The following CDH18 variants were observed in gnomAD, a reference collection of about 807,000 sequenced individuals.
CDH18 encodes the protein cadherin-18.
A neutral mutation model predicts 67.9 loss-of-function variants in CDH18; 31 were observed. That is an observed-to-expected ratio of 0.46 (90% CI 0.34 to 0.62). The LOEUF is 0.62. Among genes scored for constraint, CDH18 ranks in the 20% least tolerant of loss-of-function variants. The probability of loss-of-function intolerance (pLI) is 0.01; values close to 1 mark genes in which losing one functional copy is unlikely to be tolerated. For missense variants in CDH18, 890 were observed against 975.5 expected (o/e 0.91, Z 1.17); for synonymous variants, 362 against 347.2 (o/e 1.04, Z -0.48).
Position 20,149,754 on chromosome 5 carries a change from A to G in CDH18, c.-518+105690T>C, listed in dbSNP as rs191978798. 2.6e-5 allele frequency among the ~76,000 whole-genome samples: 4 copies of G among 152,302 alleles called. No homozygotes were observed. In the East Asian group the frequency reaches 7.7e-4, roughly 29 times the overall value. ...TAAAAAGTCTATTCTGCAAACTTTAACCAGACTAGTATGATCTTTGCTGTC... is the reference window on the plus strand; with the variant it reads ...TAAAAAGTCTATTCTGCAAACTTTAGCCAGACTAGTATGATCTTTGCTGTC... On this transcript the variant is annotated intron_variant, in intron 2 of 14. Transcript: ENST00000507958.
chr5:19,543,380 A>G (rs1312436042), intron 9 of CDH18, among the ~76,000 whole-genome samples: 3 of 152,110 alleles, frequency 2.0e-5, no homozygotes, highest in African/African-American at 7.2e-5. Context: ...GAGAGCCTAA[A>G]CCTGGCTGTT....
intron 2 of CDH18, among the ~76,000 whole-genome samples, chr5:20,165,595 T>C (rs1356466443): frequency 1.3e-5 from 2 of 152,148 alleles, no homozygotes; most frequent in Non-Finnish European, 2.9e-5. Context: ...TTATTTAAAT[T>C]CATCCAATAG....
At chr5:20,124,163 G>A (rs1010370062) in intron 2 of CDH18, among the ~76,000 whole-genome samples, 1 of 152,150 alleles carries the variant, frequency 6.6e-6, no homozygotes, top group African/African-American at 2.4e-5. Flanking sequence ...GAAAGGGGAG[G>A]TAAGAAGAAT....
chr5:20,083,714 T>G lies in CDH18; in HGVS notation c.-517-91700A>C, dbSNP rs556809973. ...TATAGTTCTGCCTGTCTGGGAAGCC[T>G]GACAATCATGGTGGAAGGCAAGGAA... On this transcript the variant is annotated intron_variant, in intron 2 of 14. Transcript: ENST00000507958. 2.6e-5 allele frequency among the ~76,000 whole-genome samples: 4 copies of G among 152,310 alleles called. No homozygotes were observed. The South Asian group carries it at 8.3e-4, about 32-fold the overall frequency.
At chr5:20,148,995 C>A (rs1750884365) in intron 2 of CDH18, among the ~76,000 whole-genome samples, 1 of 152,020 alleles carries the variant, frequency 6.6e-6, no homozygotes, top group South Asian at 2.1e-4. Flanking sequence ...GCAGAGTTAT[C>A]TAATAAATCT....
intron 2 of CDH18, among the ~76,000 whole-genome samples, chr5:19,979,488 C>A (rs1011621589): frequency 1.3e-5 from 2 of 151,926 alleles, no homozygotes; most frequent in African/African-American, 4.8e-5. Flanking sequence ...AACATATGGT[C>A]TTTTAATTGA....
chr5:19,827,706 A>C (rs779956356), intron 3 of CDH18, among the ~76,000 whole-genome samples: 2 of 152,172 alleles, frequency 1.3e-5, no homozygotes, highest in Non-Finnish European at 1.5e-5. Context: ...AAAAAGATAC[A>C]CCATACTAGA....
rs923038474 is a variant in CDH18, at chr5:20,530,372, GA to G, written c.-580+45089del. 9.3e-5 allele frequency among the ~76,000 whole-genome samples: 14 copies of G among 149,990 alleles called. No individual in the cohort carries two copies. In the South Asian group the frequency reaches 2.5e-3, roughly 27 times the overall value. On this transcript the variant is annotated intron_variant, in intron 1 of 14. Coordinates refer to the CDH18 transcript ENST00000507958. ...GTCATTGATACTCTTCACACAATTA[GA>G]AAAAAAAACCTATTTTAAAATTCAT...
intron 2 of CDH18, among the ~76,000 whole-genome samples, chr5:19,920,036 T>G (rs756807952): frequency 2.6e-5 from 4 of 152,194 alleles, no homozygotes; most frequent in Non-Finnish European, 5.9e-5. Context: ...GATCACTTTA[T>G]GGCTCAATTT....
intron 2 of CDH18, among the ~76,000 whole-genome samples, chr5:20,010,039 C>G (rs922128518): frequency 2.0e-5 from 3 of 151,790 alleles, no homozygotes; most frequent in Non-Finnish European, 4.4e-5. Context: ...CTTCTTCTTG[C>G]GGGATGCTTT....
intron 2 of CDH18, among the ~76,000 whole-genome samples, chr5:20,185,908 TATA>T (rs1247461147): frequency 6.6e-6 from 1 of 151,674 alleles, no homozygotes; most frequent in African/African-American, 2.4e-5. Context: ...AAGAGTACCA[TATA>T]CCAAGTTGGC....
chr5:19,838,971 T>C lies in CDH18; in HGVS notation c.16A>G (p.Thr6Ala), dbSNP rs767305368. 1 of 1,611,576 alleles carries C rather than the reference T, an allele frequency of 6.2e-7. No individual in the cohort carries two copies. Among genetic ancestry groups the C allele is most frequent in the East Asian group, 2.2e-5 (1 of 44,818 alleles). The change falls in exon 3 of 13, where the codon ACA becomes GCA. Residue 6 changes from threonine (T) to alanine (A), a missense_variant. This residue lies in a region of CDH18 where 234 missense variants were observed against 307.4 expected (regional missense o/e 0.76). Coordinates refer to ENST00000382275, the MANE Select transcript of CDH18 (RefSeq NM_004934.5). MKITSTSCICPVLVCL... is the reference protein window; with the variant it reads MKITSASCICPVLVCL... ...ACTAGGACTGGACAGATGCAAGATG[T>C]GCTAGTAATTTTCATTGTAAGATAA... is the stretch of plus-strand genomic sequence containing the variant.
intron 2 of CDH18, among the ~76,000 whole-genome samples, chr5:20,142,894 T>C (rs138032859): frequency 2.4e-3 from 370 of 152,334 alleles, no homozygotes; most frequent in African/African-American, 8.5e-3. Flanking sequence ...CATGTGTTTG[T>C]AGGAGTTTGT....
chr5:19,624,150 G>C (rs1265113257), intron 5 of CDH18, among the ~76,000 whole-genome samples: 2 of 151,908 alleles, frequency 1.3e-5, no homozygotes, highest in Non-Finnish European at 2.9e-5. Context: ...TGGGATTGCG[G>C]GCGTGCACCA....
chr5:19,662,589 C>A (rs1757332177), intron 5 of CDH18, among the ~76,000 whole-genome samples: 1 of 152,020 alleles, frequency 6.6e-6, no homozygotes, highest in Non-Finnish European at 1.5e-5. Context: ...ATTAAAATGT[C>A]TTTTTTCTAA....
chr5:19,751,560 T>C (rs951753991), intron 3 of CDH18, among the ~76,000 whole-genome samples: 11 of 152,188 alleles, frequency 7.2e-5, no homozygotes, highest in Non-Finnish European at 1.3e-4. Context: ...CTGAGGAGTA[T>C]TATGTATCCT....
At chr5:19,791,356 A>AAT (rs1554034909) in intron 3 of CDH18, among the ~76,000 whole-genome samples, 12 of 141,642 alleles carry the variant, frequency 8.5e-5, no homozygotes, top group African/African-American at 3.2e-4. Flanking sequence ...TCGACTTTTA[A>AAT]ACACACACAC....
intron 5 of CDH18, among the ~76,000 whole-genome samples, chr5:19,651,177 GT>G (rs912827011): frequency 6.6e-6 from 1 of 151,940 alleles, no homozygotes; most frequent in African/African-American, 2.4e-5. Context: ...ATAGGTTCAA[GT>G]TTTTTAGGAA....
At chr5:20,018,279 G>A (rs1738065921) in intron 2 of CDH18, among the ~76,000 whole-genome samples, 1 of 152,078 alleles carries the variant, frequency 6.6e-6, no homozygotes, top group Non-Finnish European at 1.5e-5. Context: ...GTATTACATT[G>A]ATACAGGTAG....
Sources: gnomAD v4.1 joint callset for allele counts (sites outside exome capture counted in the v4.1 genomes callset) on GRCh38, gnomAD v4.1.1 for gene constraint, gnomAD v4.1.1 regional missense constraint, MANE v1.5 for transcripts, NCBI Gene and HGNC (gene_info 2026-07-23, HGNC 2026-07-21) for gene names.